The following ATP7A variants were observed in gnomAD, a reference collection of about 807,000 sequenced individuals.
ATP7A encodes the protein ATPase copper transporting alpha, also known as copper-transporting ATPase 1.
A neutral mutation model predicts 83.5 loss-of-function variants in ATP7A; 7 were observed. The observed-to-expected ratio is 0.08, with a 90% CI of 0.05 to 0.16. The LOEUF (loss-of-function observed/expected upper bound fraction) is 0.16, where lower values mean the gene tolerates loss of function less well. Ranked by LOEUF, ATP7A falls within the 10% of genes least tolerant of loss-of-function variation. The pLI is 1.00. For synonymous variants in ATP7A, 354 were observed against 395.2 expected, an observed-to-expected ratio of 0.90 and a Z score of 1.24; for missense variants, 940 against 1,120.8, an observed-to-expected ratio of 0.84 and a Z score of 2.30.
intron 2 of ATP7A, among the ~76,000 whole-genome samples, chrX:77,984,597 C>T (rs781958132): frequency 9.0e-6 from 1 of 111,056 alleles, no homozygotes; most frequent in South Asian, 3.8e-4. Flanking sequence ...AAACTGTGAC[C>T]TCAAGTGATC....
rs895520660 is a variant in ATP7A, at chrX:78,042,668, G to A, written c.3885G>A (p.Arg1295=). The A allele has an allele frequency of 2.5e-6, 3 of 1,211,841 alleles. No homozygotes were observed. The highest frequency in any genetic ancestry group is 3.3e-6 in the Non-Finnish European group (3 of 895,570). Residue 1295 remains arginine (R), a synonymous_variant, in exon 20 of 23, where the codon CGG becomes CGA. Transcript: ENST00000341514. ...KVKQLQEEGK[R]VAMVGDGIND... ...AGCAACTTCAAGAGGAGGGGAAACG[G>A]GTAGCAATGGTGGGAGATGGAATCA...
At chrX:77,973,726 C>G (rs193009346) in intron 2 of ATP7A, among the ~76,000 whole-genome samples, 2 of 111,698 alleles carry the variant, frequency 1.8e-5, no homozygotes, top group Admixed American at 1.9e-4. Context: ...ATTTTAGAAT[C>G]AGTTTATAAG....
chrX:77,942,542 C>T (rs1024651142), intron 1 of ATP7A, among the ~76,000 whole-genome samples: 1 of 108,337 alleles, frequency 9.2e-6, no homozygotes, highest in African/African-American at 3.4e-5. Context: ...TTGACCGGGT[C>T]CCAAGTGATC....
At chrX:78,042,886 G>A (rs1333788221) in intron 20 of ATP7A, 98 bp downstream of exon 20, 2 of 958,540 alleles carry the variant, frequency 2.1e-6, no homozygotes, top group Admixed American at 2.2e-5. Context: ...TCTGTCTTAA[G>A]TTCCATGCTA....
rs782327384 is a variant in ATP7A at position 77,949,064 on chromosome X, T to C, written c.-21-22557T>C. Among the ~76,000 whole-genome samples the C allele has an allele frequency of 7.2e-5, 8 of 110,569 alleles. No homozygotes were observed. The South Asian group carries it at 3.0e-3, about 42-fold the overall frequency. On this transcript the variant is annotated intron_variant, in intron 1 of 22. Transcript: ENST00000341514. ...ATGCCGCCACACTCAGCTCATTGTT[T>C]GTATTTTAATAGAGACAGGGTTCAC... is the stretch of plus-strand genomic sequence containing the variant.
At chrX:78,022,479 A>G (rs2077912946) in intron 14 of ATP7A, among the ~76,000 whole-genome samples, 1 of 96,242 alleles carries the variant, frequency 1.0e-5, no homozygotes, top group Admixed American at 1.2e-4. Context: ...TTCAGGAGGT[A>G]CATGTGCATG....
chrX:77,956,298 A>C (rs376461038), intron 1 of ATP7A, among the ~76,000 whole-genome samples: 84 of 109,713 alleles, frequency 7.7e-4, no homozygotes, highest in African/African-American at 1.6e-3. Flanking sequence ...TATCATCACC[A>C]CCCCTCTTTT....
intron 17 of ATP7A, among the ~76,000 whole-genome samples, chrX:78,037,980 GTTTTTT>G (rs782643561): frequency 7.8e-5 from 4 of 51,220 alleles, no homozygotes; most frequent in African/African-American, 2.0e-4. Context: ...ATCAAGAAAG[GTTTTTT>G]TTTTTTTTTT....
chrX:78,037,743 G>A (rs1459868903), intron 17 of ATP7A, among the ~76,000 whole-genome samples: 1 of 110,850 alleles, frequency 9.0e-6, no homozygotes, highest in Admixed American at 9.6e-5. Flanking sequence ...CAAGTAAGAT[G>A]AGGAATGAGA....
chrX:78,029,496 C>T, intron 15 of ATP7A, 52 bp downstream of exon 15: 1 of 1,096,838 alleles, frequency 9.1e-7, no homozygotes, highest in Non-Finnish European at 1.3e-6. Context: ...TCAATAGCAC[C>T]CCTCACATGT....
chrX:77,962,610 C>T (rs187946306), intron 1 of ATP7A: 2 of 362,352 alleles, frequency 5.5e-6, no homozygotes, highest in African/African-American at 5.2e-5. Context: ...TCTCTCTTCT[C>T]CCTCATTTTC....
At chrX:78,023,918 T>C (rs1299288417) in intron 14 of ATP7A, among the ~76,000 whole-genome samples, 2 of 112,065 alleles carry the variant, frequency 1.8e-5, no homozygotes, top group Non-Finnish European at 3.8e-5. Context: ...TTGGGGTTTT[T>C]ATAGTTTGAG....
At chrX:77,981,735 C>G (rs868963014) in intron 2 of ATP7A, among the ~76,000 whole-genome samples, 4 of 111,838 alleles carry the variant, frequency 3.6e-5, no homozygotes, top group Non-Finnish European at 7.5e-5. Flanking sequence ...TGGTTTAGTT[C>G]ATGAAAAACA....
intron 1 of ATP7A, among the ~76,000 whole-genome samples, chrX:77,926,399 C>T (rs2077241338): frequency 8.9e-6 from 1 of 111,812 alleles, no homozygotes; most frequent in Admixed American, 9.5e-5. Context: ...GGGGCAATCT[C>T]AGCCCACTGC....
intron 1 of ATP7A, among the ~76,000 whole-genome samples, chrX:77,966,477 A>G (rs2077506263): frequency 8.9e-6 from 1 of 112,542 alleles, no homozygotes; most frequent in Non-Finnish European, 1.9e-5. Context: ...ATACCGATAC[A>G]TTTTACACAT....
In ATP7A at chrX:78,040,642, A is replaced by T; in HGVS notation, c.3710A>T (p.Glu1237Val). 8.3e-7 allele frequency: 1 copy of T among 1,211,194 alleles called. No individual in the cohort carries two copies. The highest frequency in any genetic ancestry group is 1.1e-6 in the Non-Finnish European group (1 of 894,720). The stretch of plus-strand genomic sequence containing the variant: ...GCAGACACAGTGAAGCCTGAAGCAG[A>T]ACTGGCTATCCATATTCTGAAATCT... ...AIADTVKPEA[E>V]LAIHILKSMG... Residue 1237 changes from glutamate (E) to valine (V), a missense_variant, in exon 19 of 23, where the codon GAA becomes GTA. By Grantham distance (121) the Glu-to-Val change is moderately radical. Around this residue, in one of 3 missense-constraint regions of ATP7A, gnomAD observed 386 missense variants for 502.2 expected, o/e 0.77. Transcript: ENST00000341514.
intron 21 of ATP7A, among the ~76,000 whole-genome samples, 156 bp from the exon 22 acceptor site, chrX:78,045,314 G>C (rs1001828019): frequency 3.6e-5 from 4 of 112,031 alleles, no homozygotes; most frequent in Admixed American, 9.4e-5. Context: ...GCAACACTCT[G>C]TTAGTGAAAA....
At chrX:77,972,800 C>A (rs1180971906) in intron 2 of ATP7A, among the ~76,000 whole-genome samples, 1 of 110,882 alleles carries the variant, frequency 9.0e-6, no homozygotes, top group Non-Finnish European at 1.9e-5. Context: ...CCATGCCCAG[C>A]CAAAATTACT....
intron 1 of ATP7A, among the ~76,000 whole-genome samples, chrX:77,911,160 C>G (rs868984005): frequency 4.4e-4 from 49 of 112,195 alleles, no homozygotes; most frequent in African/African-American, 1.5e-3. Context: ...GGACTGGGGT[C>G]TTTGCTTAGT....
Sources: allele counts gnomAD v4.1 joint callset (sites outside exome capture counted in the v4.1 genomes callset), GRCh38; gene constraint gnomAD v4.1.1; regional missense constraint gnomAD v4.1.1; transcripts MANE v1.5; gene names NCBI Gene and HGNC (gene_info 2026-07-23, HGNC 2026-07-21).